The following ANKRD55 variants were observed in gnomAD, a reference collection of about 807,000 sequenced individuals.
The protein encoded by ANKRD55 is ankyrin repeat domain-containing protein 55.
In ANKRD55, 41 loss-of-function variants were observed where a neutral mutation model predicts 60.6. The ratio of observed to expected loss-of-function variants is 0.68; its 90% CI spans 0.53 to 0.88. ANKRD55 has a LOEUF of 0.88. Among genes scored for constraint, ANKRD55 ranks in the 40% least tolerant of loss-of-function variants. ANKRD55 has a pLI of 0.00. For missense variants in ANKRD55, 732 were observed against 767.6 expected, an observed-to-expected ratio of 0.95 and a Z score of 0.55; for synonymous variants, 264 against 290.3, an observed-to-expected ratio of 0.91 and a Z score of 0.92.
At chr5:56,155,169 G>A (rs1221432836) in intron 6 of ANKRD55, among the ~76,000 whole-genome samples, 1 of 151,790 alleles carries the variant, frequency 6.6e-6, no homozygotes, top group Non-Finnish European at 1.5e-5. Flanking sequence ...GCTGCAGTGG[G>A]CTGTGATCGT....
At chr5:56,230,384 G>T (rs994099173) in intron 2 of ANKRD55, among the ~76,000 whole-genome samples, 2 of 152,110 alleles carry the variant, frequency 1.3e-5, no homozygotes, top group African/African-American at 4.8e-5. Context: ...TGAGCCTTGC[G>T]CCCGGCCCAG....
chr5:56,190,387 G>T (rs1185475291), intron 2 of ANKRD55, among the ~76,000 whole-genome samples: 1 of 152,156 alleles, frequency 6.6e-6, no homozygotes, highest in East Asian at 1.9e-4. Context: ...TCATAGCCAA[G>T]AAATCATTGC....
intron 7 of ANKRD55, among the ~76,000 whole-genome samples, chr5:56,139,341 A>AG (rs1757693619): frequency 6.6e-6 from 1 of 152,202 alleles, no homozygotes; most frequent in Admixed American, 6.5e-5. Context: ...TGGATGAATA[A>AG]GGCACGTTGC....
intron 2 of ANKRD55, among the ~76,000 whole-genome samples, chr5:56,213,231 A>C (rs1759720318): frequency 6.6e-6 from 1 of 152,210 alleles, no homozygotes; most frequent in Non-Finnish European, 1.5e-5. Flanking sequence ...GAAAACATTA[A>C]CTTTTATTTG....
intron 7 of ANKRD55, among the ~76,000 whole-genome samples, chr5:56,135,825 A>T (rs572511898): frequency 8.5e-5 from 13 of 152,318 alleles, no homozygotes; most frequent in African/African-American, 2.6e-4. Context: ...AATAGACAAA[A>T]ATAGCTCTGA....
intron 4 of ANKRD55, among the ~76,000 whole-genome samples, chr5:56,174,811 A>G (rs1169078542): frequency 1.4e-5 from 2 of 145,640 alleles, no homozygotes; most frequent in Non-Finnish European, 3.0e-5. Flanking sequence ...CAGCCTGGTG[A>G]CAGAGTGAGA....
intron 2 of ANKRD55, among the ~76,000 whole-genome samples, chr5:56,194,658 A>G (rs778464331): frequency 2.0e-5 from 3 of 152,208 alleles, no homozygotes; most frequent in Non-Finnish European, 4.4e-5. Context: ...CCACCCTTGA[A>G]TACCATTCTC....
At chr5:56,128,884 G>T (rs1757341285) in intron 7 of ANKRD55, among the ~76,000 whole-genome samples, 1 of 152,190 alleles carries the variant, frequency 6.6e-6, no homozygotes, top group Admixed American at 6.5e-5. Context: ...AAAAAGAATG[G>T]TCTATTAATT....
At chr5:56,205,067 T>TC (rs1759467308) in intron 2 of ANKRD55, among the ~76,000 whole-genome samples, 1 of 151,876 alleles carries the variant, frequency 6.6e-6, no homozygotes, top group African/African-American at 2.4e-5. Context: ...TTTCTTTCTT[T>TC]TTTTTTCTTT....
At chr5:56,222,613 T>A (rs192641128) in intron 2 of ANKRD55, among the ~76,000 whole-genome samples, 2 of 137,058 alleles carry the variant, frequency 1.5e-5, no homozygotes, top group Non-Finnish European at 3.1e-5. Context: ...TGAAAAAAGA[T>A]TGGACGAATG....
At chr5:56,102,450 G>A in intron 11 of ANKRD55, 44 bp downstream of exon 11, 1 of 1,342,850 alleles carries the variant, frequency 7.4e-7, no homozygotes, top group African/African-American at 1.5e-5. Flanking sequence ...GTCTAGATAT[G>A]TTAACACTTG....
chr5:56,149,305 T>G (rs1757980653), intron 6 of ANKRD55, among the ~76,000 whole-genome samples: 1 of 152,194 alleles, frequency 6.6e-6, no homozygotes, highest in Non-Finnish European at 1.5e-5. Context: ...GAAGGGCTGC[T>G]AATAACGACA....
intron 4 of ANKRD55, among the ~76,000 whole-genome samples, chr5:56,174,268 A>G (rs1392522563): frequency 1.3e-5 from 2 of 152,204 alleles, no homozygotes; most frequent in African/African-American, 4.8e-5. Context: ...AGTCCCTTGC[A>G]TAGCTCTCTA....
intron 2 of ANKRD55, among the ~76,000 whole-genome samples, chr5:56,224,291 A>G (rs1427033207): frequency 5.9e-5 from 9 of 151,596 alleles, no homozygotes; most frequent in African/African-American, 2.2e-4. Flanking sequence ...GAAACTGATG[A>G]GAACAAAGAC....
At chr5:56,196,012 T>C (rs971624538) in intron 2 of ANKRD55, among the ~76,000 whole-genome samples, 4 of 152,226 alleles carry the variant, frequency 2.6e-5, no homozygotes, top group African/African-American at 9.6e-5. Flanking sequence ...TGGTTTACTA[T>C]AAATATCCAA....
At chr5:56,189,707 T>C (rs1321970037) in intron 2 of ANKRD55, among the ~76,000 whole-genome samples, 1 of 152,246 alleles carries the variant, frequency 6.6e-6, no homozygotes, top group Non-Finnish European at 1.5e-5. Context: ...GCATCACATT[T>C]TGTTTATTCA....
At chr5:56,135,298 T>TCTTGCTTGCTTG in intron 7 of ANKRD55, among the ~76,000 whole-genome samples, 1 of 31,058 alleles carries the variant, frequency 3.2e-5, no homozygotes, top group South Asian at 9.2e-4. Context: ...CTGCTTGCTT[T>TCTTGCTTGCTTG]CTTTCTTTCT....
At chr5:56,117,131 T>C (rs937922191) in intron 8 of ANKRD55, among the ~76,000 whole-genome samples, 8 of 152,254 alleles carry the variant, frequency 5.3e-5, no homozygotes, top group Non-Finnish European at 1.2e-4. Context: ...TCCTACTAGC[T>C]ATGTTTCTCC....
chr5:56,132,751 A>G (rs1313650489), intron 7 of ANKRD55, among the ~76,000 whole-genome samples: 1 of 152,222 alleles, frequency 6.6e-6, no homozygotes, highest in Non-Finnish European at 1.5e-5. Context: ...ATAAGACCCA[A>G]CTATATGTTG....
Sources: allele counts gnomAD v4.1 joint callset (sites outside exome capture counted in the v4.1 genomes callset), GRCh38; gene constraint gnomAD v4.1.1; transcripts MANE v1.5; gene names NCBI Gene and HGNC (gene_info 2026-07-23, HGNC 2026-07-21).